MUC17: variants seen among roughly 807,000 people sequenced by gnomAD.
The protein encoded by MUC17 is mucin 17, cell surface associated.
A neutral mutation model predicts 170.3 loss-of-function variants in MUC17; 190 were observed. The observed-to-expected ratio is 1.12, with a 90% CI of 0.99 to 1.26. MUC17 has a LOEUF of 1.26. Among genes scored for constraint, MUC17 ranks in the 50% most tolerant of loss-of-function variants. MUC17 has a pLI of 0.00. For missense variants in MUC17, 6,415 were observed against 5,530.0 expected, an observed-to-expected ratio of 1.16 and a Z score of -5.08; for synonymous variants, 2,325 against 2,002.5, an observed-to-expected ratio of 1.16 and a Z score of -4.30.
At chr7:101,057,156 T>A (rs907970689) in intron 12 of MUC17, among the ~76,000 whole-genome samples, 1 of 152,202 alleles carries the variant, frequency 6.6e-6, no homozygotes, top group African/African-American at 2.4e-5. Flanking sequence ...TGCTATCGCC[T>A]CACTTCAACA....
chr7:101,033,486 A>C lies in MUC17; in HGVS notation c.2070A>C (p.Leu690Phe). The C allele has an allele frequency of 1.2e-6, 2 of 1,613,764 alleles. No individual in the cohort carries two copies. Among genetic ancestry groups the C allele is most frequent in the Non-Finnish European group, 1.7e-6 (2 of 1,179,886 alleles). The change falls in exon 3 of 13, where the codon TTA becomes TTC. Residue 690 changes from leucine to phenylalanine, a missense_variant. Coordinates refer to ENST00000306151, the MANE Select transcript of MUC17 (RefSeq NM_001040105.2). ...CTTATACTGAAGGAAGCACTCCATT[A>C]ACAAGTATGCCTGTCAACACCACAC... The part of the protein sequence containing the change: ...TSTYTEGSTP[L>F]TSMPVNTTLV...
intron 1 of MUC17, among the ~76,000 whole-genome samples, chr7:101,030,001 T>C (rs536130241): frequency 1.3e-5 from 2 of 152,284 alleles, no homozygotes; most frequent in East Asian, 3.9e-4. Flanking sequence ...AAATTAAACT[T>C]CCCAAGTACT....
At position 101,038,572 on chromosome 7, in the gene MUC17, A is replaced by G. The variant is rs1794571354; in HGVS notation, c.7156A>G (p.Ser2386Gly). 6.2e-7 allele frequency: 1 copy of G among 1,614,090 alleles called. No homozygotes were observed. The highest frequency in any genetic ancestry group is 8.5e-7 in the Non-Finnish European group (1 of 1,179,984). ...ATCTCCTACAACTGCTGACGATACT[A>G]GCATGCCAACCTCAACTTATAGTGA... ...GSSPTTADDT[S>G]MPTSTYSEGS... The change falls in exon 3 of 13, where the codon AGC (serine) becomes GGC (glycine). Residue 2386 changes from serine to glycine, a missense_variant. Transcript: ENST00000306151.
At chr7:101,046,469 A>G (rs557847095) in intron 3 of MUC17, among the ~76,000 whole-genome samples, 1 of 152,148 alleles carries the variant, frequency 6.6e-6, no homozygotes, top group African/African-American at 2.4e-5. Context: ...TATTTGTTGA[A>G]TTGCAATTTA....
intron 7 of MUC17, among the ~76,000 whole-genome samples, chr7:101,051,322 A>T (rs1584876787): frequency 7.3e-6 from 1 of 137,446 alleles, no homozygotes; most frequent in Admixed American, 8.1e-5. Context: ...CCGAGATTGC[A>T]CCACTGTACT....
intron 6 of MUC17, 21 bp from the exon 7 acceptor site, chr7:101,050,463 C>G: frequency 6.2e-7 from 1 of 1,609,218 alleles, no homozygotes; most frequent in African/African-American, 1.3e-5. Flanking sequence ...GACCCCAGGA[C>G]GTCTTCCCTT....
intron 1 of MUC17, among the ~76,000 whole-genome samples, chr7:101,023,666 A>C (rs925596959): frequency 6.6e-6 from 1 of 152,142 alleles, no homozygotes; most frequent in Non-Finnish European, 1.5e-5. Context: ...TCAGCCTCCC[A>C]AAGTGTGGGG....
Position 101,038,248 on chromosome 7 carries a change from A to C in MUC17, c.6832A>C (p.Thr2278Pro). 1 of 1,613,934 alleles carries C rather than the reference A, an allele frequency of 6.2e-7. No individual in the cohort carries two copies. Residue 2278 changes from threonine to proline, a missense_variant, in exon 3 of 13, where the codon ACG (threonine) becomes CCG (proline). Transcript: ENST00000306151. ...SIPTSTLSEG[T>P]TPLTSIPVSH... ...ACCAACTTCAACTCTTAGTGAAGGA[A>C]CGACTCCATTAACAAGTATACCTGT...
At position 101,058,118 on chromosome 7, in the gene MUC17, G is replaced by A; in HGVS notation, c.*74G>A. ...GCTTGGTGGAGCATTTTCCCATTGA[G>A]AGCCTTCCATGGGAACTCAATGTTC... On this transcript the variant is annotated 3_prime_UTR_variant, in exon 13 of 13. Transcript: ENST00000306151. 1 of 1,371,706 alleles carries A rather than the reference G, an allele frequency of 7.3e-7. No homozygotes were observed. The allele number at this position is 1,371,706 out of a possible 1,614,324, so 85.0% of individuals were successfully genotyped here.
chr7:101,039,103 A>G lies in MUC17; in HGVS notation c.7687A>G (p.Ser2563Gly). 1 of 1,613,602 alleles carries G rather than the reference A, an allele frequency of 6.2e-7. No homozygotes were observed. Among genetic ancestry groups the G allele is most frequent in the Non-Finnish European group, 8.5e-7 (1 of 1,179,912 alleles). ...ATCTGCTACATCCGCTGAAGGTACC[A>G]GCATGCCTACCTCAACTTATAGTGA... ...SSSATSAEGT[S>G]MPTSTYSEGS... Residue 2563 changes from serine (S) to glycine (G), a missense_variant, in exon 3 of 13, where the codon AGC becomes GGC. By Grantham distance (56) the Ser-to-Gly change is moderately conservative (BLOSUM62 0). Coordinates refer to ENST00000306151, the MANE Select transcript of MUC17 (RefSeq NM_001040105.2).
In MUC17 at chr7:101,031,938, C is replaced by T; in HGVS notation, c.522C>T (p.Ala174=). The T allele has an allele frequency of 5.0e-6, 8 of 1,614,080 alleles. No homozygotes were observed. The highest frequency in any genetic ancestry group is 6.8e-6 in the Non-Finnish European group (8 of 1,180,028). The part of the protein sequence containing the change: ...VSTAPLPSFE[A]YTSLTYKVDM... ...CTGCACCTCTTCCCAGTTTTGAGGC[C>T]TACACATCTTTAACATATAAGGTTG... Residue 174 remains alanine (A), a synonymous_variant, in exon 3 of 13, where the codon GCC becomes GCT. Coordinates refer to ENST00000306151, the MANE Select transcript of MUC17 (RefSeq NM_001040105.2).
intron 3 of MUC17, among the ~76,000 whole-genome samples, chr7:101,047,113 A>AATAAATAAATAAAT (rs1414008894): frequency 6.6e-6 from 1 of 151,620 alleles, no homozygotes; most frequent in East Asian, 1.9e-4. Context: ...TAAATAAATA[A>AATAAATAAATAAAT]ATAAATAAAT....
Position 101,033,903 on chromosome 7 carries a change from T to C in MUC17, c.2487T>C (p.Thr829=), listed in dbSNP as rs1335195826. ...TSPEASTLST[T]PVDSNSPVTT... The stretch of plus-strand genomic sequence containing the variant: ...CTGAGGCTAGCACCCTTTCAACAAC[T>C]CCTGTTGACTCCAACAGTCCTGTGA... The change falls in exon 3 of 13, where the codon ACT becomes ACC. Residue 829 remains threonine (T), a synonymous_variant. Transcript: ENST00000306151. The C allele has an allele frequency of 6.2e-7, 1 of 1,613,390 alleles. No individual in the cohort carries two copies. Among genetic ancestry groups the C allele is most frequent in the Non-Finnish European group, 8.5e-7 (1 of 1,179,710 alleles).
At position 101,043,271 on chromosome 7, in the gene MUC17, A is replaced by T; in HGVS notation, c.11855A>T (p.Asp3952Val). 1 of 1,614,146 alleles carries T rather than the reference A, an allele frequency of 6.2e-7. No homozygotes were observed. The highest frequency in any genetic ancestry group is 8.5e-7 in the Non-Finnish European group (1 of 1,180,038). ...PSTPVTSSTA[D>V]VFPATTGAVS... ...ACTCCTGTCACCAGTTCTACTGCTG[A>T]TGTCTTTCCTGCAACAACTGGTGCT... Residue 3952 changes from aspartate (D) to valine (V), a missense_variant, in exon 3 of 13, where the codon GAT (aspartate) becomes GTT (valine). Transcript: ENST00000306151.
rs1470846040 is a variant in MUC17, at chr7:101,039,007, G to C, written c.7591G>C (p.Glu2531Gln). 2.0e-5 allele frequency: 32 copies of C among 1,613,970 alleles called. No homozygotes were observed. Among genetic ancestry groups the C allele is most frequent in the Non-Finnish European group, 2.5e-5 (29 of 1,180,016 alleles). Residue 2531 changes from glutamate (E) to glutamine (Q), a missense_variant, in exon 3 of 13, where the codon GAG becomes CAG. Transcript: ENST00000306151. Reference protein sequence around the residue: ...PVSTTPVASPEASTLSTTPVD... With the variant: ...PVSTTPVASPQASTLSTTPVD... ...CAGCACCACGCCAGTGGCCAGTCCT[G>C]AGGCTAGCACCCTTTCAACAACTCC...
Position 101,042,258 on chromosome 7 carries a change from T to C in MUC17, c.10842T>C (p.Asn3614=). ...STPVTTSTQS[N]STPTPPEVIT... ...CTGTGACCACTTCTACTCAGAGCAA[T>C]TCTACTCCTACACCTCCTGAAGTTA... is the stretch of plus-strand genomic sequence containing the variant. The change falls in exon 3 of 13, where the codon AAT becomes AAC. Residue 3614 remains asparagine (N), a synonymous_variant. Transcript: ENST00000306151. The C allele has an allele frequency of 6.2e-7, 1 of 1,613,920 alleles. No homozygotes were observed. The highest frequency in any genetic ancestry group is 8.5e-7 in the Non-Finnish European group (1 of 1,180,004).
In MUC17 at chr7:101,036,801, T is replaced by G. The variant is rs760867965; in HGVS notation, c.5385T>G (p.Gly1795=). The G allele has an allele frequency of 3.1e-6, 5 of 1,605,464 alleles. No homozygotes were observed. Among genetic ancestry groups the G allele is most frequent in the African/African-American group, 1.4e-5 (1 of 73,978 alleles). Residue 1795 remains glycine, a synonymous_variant, in exon 3 of 13, where the codon GGT becomes GGG. Coordinates refer to ENST00000306151, the MANE Select transcript of MUC17 (RefSeq NM_001040105.2). ...EATSSPTTAE[G]TSIPTSTLSE... is the part of the protein sequence containing the mutation. ...CTTCGTCTCCTACAACTGCTGAAGGTACCAGCATACCAACCTCGACTCTTA... is the reference window on the plus strand; with the variant it reads ...CTTCGTCTCCTACAACTGCTGAAGGGACCAGCATACCAACCTCGACTCTTA...
Position 101,034,642 on chromosome 7 carries a change from T to C in MUC17, c.3226T>C (p.Tyr1076His). The C allele has an allele frequency of 6.2e-7, 1 of 1,604,040 alleles. No homozygotes were observed. Among genetic ancestry groups the C allele is most frequent in the Non-Finnish European group, 8.5e-7 (1 of 1,173,144 alleles). Residue 1076 changes from tyrosine to histidine, a missense_variant, in exon 3 of 13, where the codon TAT becomes CAT. Coordinates refer to ENST00000306151, the MANE Select transcript of MUC17 (RefSeq NM_001040105.2). ...TGACACCAGCACACCTGTGACCACT[T>C]ATTCTCAAGCCAGTTCATCTTCTAC... The part of the protein sequence containing the change: ...PADTSTPVTT[Y>H]SQASSSSTTA...
chr7:101,041,671 C>T lies in MUC17; in HGVS notation c.10255C>T (p.Leu3419Phe). 6.2e-7 allele frequency: 1 copy of T among 1,613,990 alleles called. No individual in the cohort carries two copies. The highest frequency in any genetic ancestry group is 1.7e-5 in the Admixed American group (1 of 60,012). ...TPVVSSEVNT[L>F]STTPVDSNTL... ...GGTGGTCAGTTCTGAGGTTAACACCCTTTCAACAACTCCTGTGGACTCCAA... is the reference window on the plus strand; with the variant it reads ...GGTGGTCAGTTCTGAGGTTAACACCTTTTCAACAACTCCTGTGGACTCCAA... Residue 3419 changes from leucine (L) to phenylalanine (F), a missense_variant, in exon 3 of 13, where the codon CTT becomes TTT. By Grantham distance (22) the Leu-to-Phe change is conservative. Transcript: ENST00000306151.
Sources: gnomAD v4.1 joint callset for allele counts (sites outside exome capture counted in the v4.1 genomes callset) on GRCh38, gnomAD v4.1.1 for gene constraint, MANE v1.5 for transcripts, NCBI Gene and HGNC (gene_info 2026-07-23, HGNC 2026-07-21) for gene names.